NVL: variants seen among roughly 807,000 people sequenced by gnomAD.
NVL encodes the protein nuclear VCP like.
Under a neutral mutation model 110.2 loss-of-function variants are expected in NVL, and 84 were observed. That is an observed-to-expected ratio of 0.76 (90% CI 0.64 to 0.91). NVL has a LOEUF of 0.91. Among genes scored for constraint, NVL ranks in the 40% least tolerant of loss-of-function variants. The pLI is 0.00. For synonymous variants in NVL, 354 were observed against 361.1 expected, an observed-to-expected ratio of 0.98 and a Z score of 0.22; for missense variants, 882 against 1,035.9, an observed-to-expected ratio of 0.85 and a Z score of 2.04.
Position 224,318,914 on chromosome 1 carries a change from A to G in NVL, c.132-984T>C, listed in dbSNP as rs534953806. 2.8e-4 allele frequency among the ~76,000 whole-genome samples: 42 copies of G among 151,532 alleles called. 1 individual carries two copies. In the East Asian group the frequency reaches 7.6e-3, roughly 27 times the overall value. ...TGAGGCAACAGAATGGCGTGAACCC[A>G]GGAGGCAGAGCTTGCAGTGAGCCAA... On this transcript the variant is annotated intron_variant, in intron 2 of 22. Coordinates refer to ENST00000281701, the MANE Select transcript of NVL (RefSeq NM_002533.4).
chr1:224,314,617 A>C (rs1009352313), intron 4 of NVL, among the ~76,000 whole-genome samples: 1 of 152,216 alleles, frequency 6.6e-6, no homozygotes. Flanking sequence ...CTAGGCCTAG[A>C]AAAACTGTGG....
chr1:224,246,986 G>A (rs930587762), intron 19 of NVL, among the ~76,000 whole-genome samples: 2 of 150,638 alleles, frequency 1.3e-5, no homozygotes, highest in Non-Finnish European at 2.9e-5. Context: ...AGGTTGCAGT[G>A]AGCTGAGATC....
chr1:224,286,317 C>T (rs1471523184), intron 14 of NVL, among the ~76,000 whole-genome samples, 187 bp from the exon 15 acceptor site: 1 of 151,906 alleles, frequency 6.6e-6, no homozygotes, highest in Non-Finnish European at 1.5e-5. Flanking sequence ...GCAATCCTCC[C>T]ACCTTAGCCT....
chr1:224,278,915 A>T (rs1004260594), intron 16 of NVL, among the ~76,000 whole-genome samples: 1 of 151,986 alleles, frequency 6.6e-6, no homozygotes, highest in Non-Finnish European at 1.5e-5. Flanking sequence ...TTTTGTAGAG[A>T]CAGGGTCTCA....
At chr1:224,268,944 C>T (rs865983045) in intron 17 of NVL, among the ~76,000 whole-genome samples, 9 of 152,172 alleles carry the variant, frequency 5.9e-5, no homozygotes, top group South Asian at 2.1e-4. Context: ...CAGGAGTGAG[C>T]CACTGCGCCC....
chr1:224,281,725 G>A (rs1349640248), intron 15 of NVL, among the ~76,000 whole-genome samples: 2 of 151,540 alleles, frequency 1.3e-5, no homozygotes, highest in Non-Finnish European at 2.9e-5. Context: ...GGCCGAGGCG[G>A]GTGGATCACC....
chr1:224,236,609 C>T, intron 19 of NVL, 27 bp from the exon 20 acceptor site: 1 of 1,582,558 alleles, frequency 6.3e-7, no homozygotes. Flanking sequence ...AATGATTTTT[C>T]ATTGGAGCTT....
intron 1 of NVL, among the ~76,000 whole-genome samples, chr1:224,326,794 CT>C (rs1671188676): frequency 6.6e-6 from 1 of 152,210 alleles, no homozygotes; most frequent in African/African-American, 2.4e-5. Flanking sequence ...ATATTTTAAA[CT>C]TCAAGGAACA....
chr1:224,300,873 G>C (rs1007360743), intron 9 of NVL, among the ~76,000 whole-genome samples: 1 of 152,106 alleles, frequency 6.6e-6, no homozygotes, highest in Admixed American at 6.6e-5. Flanking sequence ...GGGAGGCTGA[G>C]GTGGGCGGAT....
Position 224,289,606 on chromosome 1 carries a change from C to T in NVL, c.1453G>A (p.Ala485Thr), listed in dbSNP as rs778183674. The stretch of plus-strand genomic sequence containing the variant: ...AGCTTCATTAAGACTCTATTGACTG[C>T]ACACATTGCTGCCTCTCGGCACAGT... ...MALCREAAMC[A>T]VNRVLMKLQE... The change falls in exon 13 of 23, where the codon GCA becomes ACA. Residue 485 changes from alanine to threonine, a missense_variant. Physicochemically the swap from Ala to Thr is moderately conservative, Grantham distance 58. Around this residue, in one of 4 missense-constraint regions of NVL, gnomAD observed 416 missense variants for 499.3 expected, o/e 0.83. Transcript: ENST00000281701. 1 of 1,614,242 alleles carries T rather than the reference C, an allele frequency of 6.2e-7. No individual in the cohort carries two copies. Among genetic ancestry groups the T allele is most frequent in the South Asian group, 1.1e-5 (1 of 91,088 alleles).
chr1:224,277,967 C>T (rs941948245), intron 16 of NVL, among the ~76,000 whole-genome samples: 3 of 152,104 alleles, frequency 2.0e-5, no homozygotes, highest in East Asian at 3.9e-4. Context: ...CTTAATTGTT[C>T]GAATCTTTCA....
rs67364238 is a variant in NVL, at chr1:224,273,043, C to CAA, written c.2082+2294_2082+2295dup. Among the ~76,000 whole-genome samples, 1,129 of 119,666 alleles carry CAA rather than the reference C, an allele frequency of 9.4e-3. 29 individuals are homozygous for CAA. Among genetic ancestry groups the CAA allele is most frequent in the African/African-American group, 0.02 (571 of 28,376 alleles). The allele number at this position is 119,666 out of a possible 152,430, so 78.5% of individuals were successfully genotyped here. ...AGCGAGACTCCGTCTCAAAAAAAAA[C>CAA]AAAAAAAACAAACAAACAAAAAAAA... On this transcript the variant is annotated intron_variant, in intron 17 of 22. Coordinates refer to ENST00000281701, the MANE Select transcript of NVL (RefSeq NM_002533.4).
At chr1:224,326,121 A>G (rs1027145969) in intron 2 of NVL, among the ~76,000 whole-genome samples, 2 of 152,206 alleles carry the variant, frequency 1.3e-5, no homozygotes, top group Non-Finnish European at 2.9e-5. Flanking sequence ...CAGGAAAGGA[A>G]GTGATATAAT....
At chr1:224,265,485 T>C (rs905974779) in intron 18 of NVL, among the ~76,000 whole-genome samples, 3 of 152,000 alleles carry the variant, frequency 2.0e-5, no homozygotes, top group Admixed American at 2.0e-4. Flanking sequence ...GCCTGGGCAG[T>C]AGACCAAGAC....
chr1:224,236,299 A>G (rs187698201), intron 20 of NVL, among the ~76,000 whole-genome samples: 3 of 151,944 alleles, frequency 2.0e-5, no homozygotes, highest in South Asian at 2.1e-4. Context: ...ATATGAAAGG[A>G]CTCCCCTGTT....
At chr1:224,325,202 C>T (rs934890963) in intron 2 of NVL, among the ~76,000 whole-genome samples, 2 of 151,450 alleles carry the variant, frequency 1.3e-5, no homozygotes, top group African/African-American at 4.8e-5. Flanking sequence ...GCAGAGCTTG[C>T]AGTGAGCCGA....
Position 224,319,994 on chromosome 1 carries a change from T to A in NVL, c.132-2064A>T, listed in dbSNP as rs573301886. Among the ~76,000 whole-genome samples, 5 of 152,182 alleles carry A rather than the reference T, an allele frequency of 3.3e-5. No homozygotes were observed. In the South Asian group the frequency reaches 1.0e-3, roughly 32 times the overall value. Reference sequence around the variant, plus strand: ...AGGGATATTCTATATAGTAACTACCTGTAATCTTCAAAAATGTAAAGATCA... The same window carrying A: ...AGGGATATTCTATATAGTAACTACCAGTAATCTTCAAAAATGTAAAGATCA... On this transcript the variant is annotated intron_variant, in intron 2 of 22. Coordinates refer to ENST00000281701, the MANE Select transcript of NVL (RefSeq NM_002533.4).
intron 19 of NVL, among the ~76,000 whole-genome samples, chr1:224,247,632 G>GCAC (rs1298437703): frequency 2.0e-5 from 3 of 151,574 alleles, no homozygotes; most frequent in Non-Finnish European, 4.4e-5. Context: ...TGGCACCACT[G>GCAC]CACTCCAGCC....
intron 4 of NVL, among the ~76,000 whole-genome samples, chr1:224,317,350 G>A (rs1670190939): frequency 2.0e-5 from 3 of 152,134 alleles, no homozygotes; most frequent in South Asian, 2.1e-4. Flanking sequence ...CGTATGATAT[G>A]ATAAGGATTA....
Sources: allele counts gnomAD v4.1 joint callset (sites outside exome capture counted in the v4.1 genomes callset), GRCh38; gene constraint gnomAD v4.1.1; regional missense constraint gnomAD v4.1.1; transcripts MANE v1.5; gene names NCBI Gene and HGNC (gene_info 2026-07-23, HGNC 2026-07-21).